The following PPP1R12B variants were observed in gnomAD, a reference collection of about 807,000 sequenced individuals.
The protein encoded by PPP1R12B is protein phosphatase 1 regulatory subunit 12B, also known as myosin phosphatase target subunit 2.
A neutral mutation model predicts 126.1 loss-of-function variants in PPP1R12B; 76 were observed. The observed-to-expected ratio is 0.60, with a 90% CI of 0.50 to 0.73. PPP1R12B has a LOEUF of 0.73. Among genes scored for constraint, PPP1R12B ranks in the 30% least tolerant of loss-of-function variants. The pLI, the probability that PPP1R12B is intolerant of heterozygous loss-of-function variation, is 0.00. For synonymous variants in PPP1R12B, 356 were observed against 434.7 expected (o/e 0.82, Z 2.25); for missense variants, 1,052 against 1,205.1 (o/e 0.87, Z 1.88).
intron 18 of PPP1R12B, among the ~76,000 whole-genome samples, chr1:202,542,434 A>G (rs868199034): frequency 6.6e-6 from 1 of 152,204 alleles, no homozygotes; most frequent in East Asian, 1.9e-4. Context: ...TTAAAGCACC[A>G]AGCTCTCTGA....
At chr1:202,567,228 T>G (rs1334388910) in intron 21 of PPP1R12B, among the ~76,000 whole-genome samples, 1 of 152,150 alleles carries the variant, frequency 6.6e-6, no homozygotes, top group Non-Finnish European at 1.5e-5. Flanking sequence ...AAGAACCCCT[T>G]AAAGCCCACC....
At chr1:202,502,350 A>G in intron 18 of PPP1R12B, 2 of 985,320 alleles carry the variant, frequency 2.0e-6, no homozygotes, top group Non-Finnish European at 2.4e-6. Context: ...TTTTCAAACT[A>G]CATGAAAGAA....
chr1:202,474,043 A>G (rs1459450878), intron 13 of PPP1R12B: 2 of 490,338 alleles, frequency 4.1e-6, no homozygotes, highest in African/African-American at 2.0e-5. Context: ...ACAGCAGAGT[A>G]TAAATGCTGC....
In PPP1R12B at chr1:202,495,335, C is replaced by T. The variant is rs1260237276; in HGVS notation, c.2188C>T (p.Pro730Ser). ...RLRCPAQPDK[P>S]TTPASPSTSR... ...GAGGTGCCCAGCTCAGCCAGACAAA[C>T]CCACCACGCCAGCATCTCCTTCTAC... is the stretch of plus-strand genomic sequence containing the variant. Residue 730 changes from proline to serine, a missense_variant, in exon 16 of 24, where the codon CCC (proline) becomes TCC (serine). Pro to Ser is a moderately conservative substitution (Grantham distance 74, BLOSUM62 -1). Transcript: ENST00000608999. 6 of 1,591,024 alleles carry T rather than the reference C, an allele frequency of 3.8e-6. No individual in the cohort carries two copies. The African/African-American group carries it at 6.7e-5, about 18-fold the overall frequency.
At chr1:202,534,655 C>G (rs1288899033) in intron 18 of PPP1R12B, among the ~76,000 whole-genome samples, 1 of 151,144 alleles carries the variant, frequency 6.6e-6, no homozygotes, top group Non-Finnish European at 1.5e-5. Context: ...TTGCTCAATC[C>G]CTTGTGTAAA....
chr1:202,488,972 G>A (rs183501181), intron 14 of PPP1R12B, among the ~76,000 whole-genome samples: 1 of 152,306 alleles, frequency 6.6e-6, no homozygotes, highest in East Asian at 1.9e-4. Context: ...GAACCTGGGA[G>A]GCAGAAGTTC....
At chr1:202,456,856 A>G (rs1404664866) in intron 13 of PPP1R12B, among the ~76,000 whole-genome samples, 2 of 152,226 alleles carry the variant, frequency 1.3e-5, no homozygotes, top group African/African-American at 2.4e-5. Flanking sequence ...TGCAATCCAG[A>G]GTAAAAGACT....
rs1210882483 is a variant in PPP1R12B, at chr1:202,544,391, G to GGTAATT, written c.2491-14486_2491-14485insGTAATT. Among the ~76,000 whole-genome samples, 6 of 152,208 alleles carry GGTAATT rather than the reference G, an allele frequency of 3.9e-5. 1 individual carries two copies. The highest frequency in any genetic ancestry group is 1.4e-4 in the African/African-American group (6 of 41,526). Reference sequence around the variant, plus strand: ...TTAGCATTTTTAAATTATCCTAAAAGTAAGAGCCAGGTAATCTTTGGTCAG... The same window carrying GGTAATT: ...TTAGCATTTTTAAATTATCCTAAAAGGTAATTTAAGAGCCAGGTAATCTTTGGTCAG... On this transcript the variant is annotated intron_variant, in intron 18 of 23. Coordinates refer to ENST00000608999, the MANE Select transcript of PPP1R12B (RefSeq NM_002481.4).
intron 18 of PPP1R12B, among the ~76,000 whole-genome samples, chr1:202,548,348 A>ATGTTT (rs201822057): frequency 7.9e-5 from 12 of 152,086 alleles, no homozygotes; most frequent in Admixed American, 3.3e-4. Flanking sequence ...AAAAGTCAGA[A>ATGTTT]TGTTTTGTTT....
At chr1:202,352,741 G>A (rs1024113420) in intron 1 of PPP1R12B, among the ~76,000 whole-genome samples, 2 of 152,034 alleles carry the variant, frequency 1.3e-5, no homozygotes, top group African/African-American at 4.8e-5. Flanking sequence ...ACAAAAATTA[G>A]CCTGGTGTGG....
chr1:202,412,526 T>C lies in PPP1R12B; in HGVS notation c.292-4261T>C, dbSNP rs956880457. ...AGGCCAAAGAATGATCTTGAAAACATTGGCTTCTAAAAGTCTGCTTGATAG... is the reference window on the plus strand; with the variant it reads ...AGGCCAAAGAATGATCTTGAAAACACTGGCTTCTAAAAGTCTGCTTGATAG... On this transcript the variant is annotated intron_variant, in intron 1 of 23. Transcript: ENST00000608999. 6.6e-5 allele frequency among the ~76,000 whole-genome samples: 10 copies of C among 152,178 alleles called. No homozygotes were observed. In the East Asian group the frequency reaches 7.7e-4, roughly 12 times the overall value.
intron 6 of PPP1R12B, among the ~76,000 whole-genome samples, chr1:202,430,088 G>A (rs1172476616): frequency 1.3e-5 from 2 of 152,112 alleles, no homozygotes; most frequent in Non-Finnish European, 2.9e-5. Flanking sequence ...TGCAGAGTTA[G>A]GTTCTTTTAA....
chr1:202,477,382 C>T (rs190780214), intron 13 of PPP1R12B, among the ~76,000 whole-genome samples: 249 of 152,236 alleles, frequency 1.6e-3, no homozygotes, highest in African/African-American at 5.7e-3. Context: ...TCCACAATCA[C>T]CTACCAAGTA....
chr1:202,439,213 C>A, intron 10 of PPP1R12B: 1 of 1,452,354 alleles, frequency 6.9e-7, no homozygotes, highest in Middle Eastern at 1.8e-4. Context: ...CCCTGTGCTC[C>A]TGCAGCCTCG....
intron 18 of PPP1R12B, among the ~76,000 whole-genome samples, chr1:202,551,255 A>G (rs539692120): frequency 2.0e-5 from 3 of 152,358 alleles, no homozygotes; most frequent in South Asian, 2.1e-4. Flanking sequence ...TTTTTGTTCT[A>G]TATGTATTAA....
At chr1:202,364,805 T>C (rs1425066684) in intron 1 of PPP1R12B, among the ~76,000 whole-genome samples, 2 of 152,144 alleles carry the variant, frequency 1.3e-5, no homozygotes, top group Admixed American at 6.5e-5. Flanking sequence ...CTCGATCTCC[T>C]GACCTCGTGA....
rs758035587 is a variant in PPP1R12B, at chr1:202,580,590, G to T, written c.*30G>T. On this transcript the variant is annotated 3_prime_UTR_variant, in exon 24 of 24. Coordinates refer to ENST00000608999, the MANE Select transcript of PPP1R12B (RefSeq NM_002481.4). Reference sequence around the variant, plus strand: ...GGCTCCAGATTTATGAGGAAAGAAAGGGACAGCATTTGCTGCCCCCACCCC... The same window carrying T: ...GGCTCCAGATTTATGAGGAAAGAAATGGACAGCATTTGCTGCCCCCACCCC... 3.2e-6 allele frequency: 5 copies of T among 1,573,644 alleles called. No individual in the cohort carries two copies. The Admixed American group carries it at 8.3e-5, about 26-fold the overall frequency.
chr1:202,389,738 C>A (rs1421650023), intron 1 of PPP1R12B, among the ~76,000 whole-genome samples: 1 of 151,842 alleles, frequency 6.6e-6, no homozygotes, highest in Non-Finnish European at 1.5e-5. Flanking sequence ...ACCAGCCTGG[C>A]CAACATAGTG....
chr1:202,535,291 C>A (rs562978805), intron 18 of PPP1R12B, among the ~76,000 whole-genome samples: 2 of 152,202 alleles, frequency 1.3e-5, no homozygotes, highest in East Asian at 3.9e-4. Flanking sequence ...CATTGGAAAT[C>A]ATCACTGGGG....
Sources: gnomAD v4.1 joint callset for allele counts (sites outside exome capture counted in the v4.1 genomes callset) on GRCh38, gnomAD v4.1.1 for gene constraint, MANE v1.5 for transcripts, NCBI Gene and HGNC (gene_info 2026-07-23, HGNC 2026-07-21) for gene names.